The following BCL6 variants were observed in gnomAD, a reference collection of about 807,000 sequenced individuals.
BCL6 encodes B-cell lymphoma 6 protein.
A neutral mutation model predicts 59.5 loss-of-function variants in BCL6; 7 were observed. That is an observed-to-expected ratio of 0.12 (90% CI 0.07 to 0.22). The LOEUF (loss-of-function observed/expected upper bound fraction) is 0.22, where lower values mean the gene tolerates loss of function less well. Ranked by LOEUF, BCL6 falls within the 10% of genes least tolerant of loss-of-function variation. The probability of loss-of-function intolerance (pLI) is 1.00; values close to 1 mark genes in which losing one functional copy is unlikely to be tolerated. For missense variants in BCL6, 685 were observed against 939.4 expected (o/e 0.73, Z 3.54); for synonymous variants, 339 against 349.7 (o/e 0.97, Z 0.34).
Position 187,722,519 on chromosome 3 carries a change from G to C in BCL6, c.2060C>G (p.Thr687Ser). The change falls in exon 10 of 10, where the codon ACC (threonine) becomes AGC (serine). Residue 687 changes from threonine to serine, a missense_variant. Transcript: ENST00000406870. ...GGCTGACACGCGGTATTGCACCTTG[G>C]TGTTGGTGATGGCGCCATGCTTCTG... is the stretch of plus-strand genomic sequence containing the variant. ...LRQKHGAITN[T>S]KVQYRVSATD... The C allele has an allele frequency of 6.2e-7, 1 of 1,614,126 alleles. No individual in the cohort carries two copies. The highest frequency in any genetic ancestry group is 8.5e-7 in the Non-Finnish European group (1 of 1,180,020).
intron 2 of BCL6, chr3:187,733,935 G>A: frequency 1.9e-6 from 1 of 536,968 alleles, no homozygotes; most frequent in Non-Finnish European, 3.4e-6. Context: ...TAGGGGAAAA[G>A]CAAAGGGAAT....
chr3:187,741,071 C>T (rs1348073235), intron 1 of BCL6, among the ~76,000 whole-genome samples: 1 of 152,160 alleles, frequency 6.6e-6, no homozygotes, highest in Non-Finnish European at 1.5e-5. Flanking sequence ...AATCGCCGCG[C>T]GGCCGCAGCT....
In BCL6 at chr3:187,729,138, G is replaced by A. The variant is rs754654517; in HGVS notation, c.1267C>T (p.Leu423Phe). The change falls in exon 5 of 10, where the codon CTT becomes TTT. Residue 423 changes from leucine (L) to phenylalanine (F), a missense_variant. Leu to Phe is a conservative substitution (Grantham distance 22). Transcript: ENST00000406870. The surrounding 1 kb of genome is among the most constrained non-coding windows in gnomAD (Gnocchi z 5.6). ...AGCTTGGTTGGGGACTGGAGGTCAA[G>A]GTTCTCAGGCTCCATGGGTGGCTGG... ...ACQPPMEPEN[L>F]DLQSPTKLSA... is the part of the protein sequence containing the mutation. The A allele has an allele frequency of 1.3e-6, 2 of 1,595,968 alleles. No individual in the cohort carries two copies. The highest frequency in any genetic ancestry group is 2.2e-5 in the East Asian group (1 of 44,672).
chr3:187,735,174 C>A (rs1171630691), intron 1 of BCL6, among the ~76,000 whole-genome samples: 1 of 152,188 alleles, frequency 6.6e-6, no homozygotes, highest in African/African-American at 2.4e-5. Context: ...TACATACATA[C>A]ATATATTTCC....
intron 1 of BCL6, among the ~76,000 whole-genome samples, chr3:187,744,138 A>G (rs1711752252): frequency 6.6e-6 from 1 of 152,260 alleles, no homozygotes; most frequent in African/African-American, 2.4e-5. Context: ...AAAATAAAAT[A>G]AAATTTAGGA....
chr3:187,730,290 C>T (rs1718979407), intron 4 of BCL6, among the ~76,000 whole-genome samples: 1 of 152,144 alleles, frequency 6.6e-6, no homozygotes, highest in Non-Finnish European at 1.5e-5. Flanking sequence ...ATGTTTAAGG[C>T]ACATATCTAT....
intron 1 of BCL6, 125 bp downstream of exon 1, chr3:187,745,285 G>GTA: frequency 2.5e-6 from 1 of 398,094 alleles, no homozygotes; most frequent in Middle Eastern, 6.2e-4. Flanking sequence ...TGGCAAGAGC[G>GTA]GAAAAAAAAA....
chr3:187,731,515 A>T (rs564380204), intron 4 of BCL6, among the ~76,000 whole-genome samples, 194 bp downstream of exon 4: 1 of 152,242 alleles, frequency 6.6e-6, no homozygotes, highest in South Asian at 2.1e-4. Flanking sequence ...CATAGGACAT[A>T]CCTGTATAGC....
At position 187,721,958 on chromosome 3, in the gene BCL6, T is replaced by A. The variant is rs1040929088; in HGVS notation, c.*500A>T. On this transcript the variant is annotated 3_prime_UTR_variant, in exon 10 of 10. Transcript: ENST00000406870. This position sits in a 1 kb window ranked among gnomAD's most constrained non-coding sequence, Gnocchi z 4.2. ...TTTTTTAGGTTTATATATATTTATT[T>A]TATATATATATATATTTATATATTT... is the stretch of plus-strand genomic sequence containing the variant. 2 of 172,110 alleles carry A rather than the reference T, an allele frequency of 1.2e-5. No homozygotes were observed. The highest frequency in any genetic ancestry group is 2.4e-5 in the Non-Finnish European group (2 of 82,224). The allele number at this position is 172,110 out of a possible 1,614,324, so 10.7% of individuals were successfully genotyped here. A position where few individuals can be genotyped will look rare whatever the true frequency, so the allele number is the denominator to read the frequency against.
At chr3:187,744,080 T>C (rs142498207) in intron 1 of BCL6, among the ~76,000 whole-genome samples, 3 of 152,182 alleles carry the variant, frequency 2.0e-5, no homozygotes, top group African/African-American at 4.8e-5. Flanking sequence ...TGGCGTCCAC[T>C]ACGCTCAGGC....
chr3:187,735,658 T>G lies in BCL6; in HGVS notation c.-49-751A>C, dbSNP rs143649650. Among the ~76,000 whole-genome samples, 147 of 152,336 alleles carry G rather than the reference T, an allele frequency of 9.6e-4. 2 individuals are homozygous for G. The highest frequency in any genetic ancestry group is 3.4e-3 in the African/African-American group (142 of 41,574). On this transcript the variant is annotated intron_variant, in intron 1 of 9. Transcript: ENST00000406870. ...CCTGCTGGTAAAAGACTTAACTATG[T>G]GATTTAGCTGAGAACTGGCCAGGGA... is the stretch of plus-strand genomic sequence containing the variant.
At position 187,725,191 on chromosome 3, in the gene BCL6, C is replaced by T. The variant is rs1718615437; in HGVS notation, c.1840-113G>A. 1 of 1,484,240 alleles carries T rather than the reference C, an allele frequency of 6.7e-7. No individual in the cohort carries two copies. The highest frequency in any genetic ancestry group is 1.4e-5 in the African/African-American group (1 of 72,250). The allele number at this position is 1,484,240 out of a possible 1,614,324, so 91.9% of individuals were successfully genotyped here. A position where few individuals can be genotyped will look rare whatever the true frequency, so the allele number is the denominator to read the frequency against. ...GCCTTTCTCCAGGCCACTCTGCTCA[C>T]CTGCACACAGGGACTGAGTGGGCCT... On this transcript the variant is annotated intron_variant, in intron 8 of 9. Coordinates refer to ENST00000406870, the MANE Select transcript of BCL6 (RefSeq NM_001706.5). This position sits in a 1 kb window ranked among gnomAD's most constrained non-coding sequence, Gnocchi z 4.7.
rs77460397 is a variant in BCL6, at chr3:187,733,550, C to T, written c.144G>A (p.Thr48=). 1.9e-3 allele frequency: 3,000 copies of T among 1,613,830 alleles called. 34 individuals are homozygous for T. In the African/African-American group the frequency reaches 0.036, roughly 19 times the overall value. Residue 48 remains threonine (T), a synonymous_variant, in exon 3 of 10, where the codon ACG becomes ACA. Transcript: ENST00000406870. ...TCCCTCACCTGCAGGCCATGAGGAC[C>T]GTTTTATGGGCTCTAAACTGCTCAC... ...VSREQFRAHK[T]VLMACSGLFY...
intron 1 of BCL6, chr3:187,737,720 G>T (rs552874447): frequency 6.9e-6 from 1 of 144,320 alleles, no homozygotes; most frequent in South Asian, 2.3e-4. Context: ...AAAACTTTTG[G>T]TGCACCTCGG....
In BCL6 at chr3:187,722,304, G is replaced by GGGCCGCCACC; in HGVS notation, c.*153_*154insGGTGGCGGCC. 3.2e-6 allele frequency: 1 copy of GGGCCGCCACC among 309,312 alleles called. No homozygotes were observed. The highest frequency in any genetic ancestry group is 5.9e-6 in the Non-Finnish European group (1 of 169,636). 19.2% of individuals were successfully genotyped at this position (309,312 alleles called of 1,614,324 possible). A position where few individuals can be genotyped will look rare whatever the true frequency, so the allele number is the denominator to read the frequency against. On this transcript the variant is annotated 3_prime_UTR_variant, in exon 10 of 10. Transcript: ENST00000406870. Reference sequence around the variant, plus strand: ...GCTGCTGCGGCTCCCAGTCCCCCAGGCCCCGACCCCCACCACCCCCAACCC... The same window carrying GGGCCGCCACC: ...GCTGCTGCGGCTCCCAGTCCCCCAGGGGCCGCCACCCCCCGACCCCCACCACCCCCAACCC...
At chr3:187,730,346 A>G (rs1227018124) in intron 4 of BCL6, among the ~76,000 whole-genome samples, 3 of 152,262 alleles carry the variant, frequency 2.0e-5, no homozygotes, top group Non-Finnish European at 2.9e-5. Flanking sequence ...GAAATTTTAT[A>G]GCTCACATAA....
Position 187,730,046 on chromosome 3 carries a change from A to G in BCL6, c.384-25T>C, listed in dbSNP as rs370735824. The G allele has an allele frequency of 6.1e-5, 93 of 1,526,844 alleles. No individual in the cohort carries two copies. In the African/African-American group the frequency reaches 8.2e-4, roughly 13 times the overall value. The allele number at this position is 1,526,844 out of a possible 1,614,324, so 94.6% of individuals were successfully genotyped here. On this transcript the variant is annotated intron_variant, in intron 4 of 9. Transcript: ENST00000406870. ...ACTGTGAAAGAAAAAAAGAGGAAAG[A>G]CACCGGCCCCAAATCAGAACTGTTA... is the stretch of plus-strand genomic sequence containing the variant.
chr3:187,744,495 A>G (rs1576885022), intron 1 of BCL6, among the ~76,000 whole-genome samples: 2 of 151,678 alleles, frequency 1.3e-5, no homozygotes, highest in African/African-American at 2.4e-5. Context: ...GAACACCAAA[A>G]CACTCGGCTC....
intron 4 of BCL6, among the ~76,000 whole-genome samples, chr3:187,731,418 A>G (rs959369172): frequency 6.6e-6 from 1 of 152,076 alleles, no homozygotes; most frequent in Non-Finnish European, 1.5e-5. Flanking sequence ...ACTTCCATGG[A>G]AGAGCTGGCA....
Sources: allele counts gnomAD v4.1 joint callset (sites outside exome capture counted in the v4.1 genomes callset), GRCh38; gene constraint gnomAD v4.1.1; non-coding constraint Gnocchi (gnomAD v3.1); transcripts MANE v1.5; gene names NCBI Gene and HGNC (gene_info 2026-07-23, HGNC 2026-07-21).